Variants in ATP8A2 observed in about 807,000 individuals in gnomAD.
ATP8A2 encodes the protein ATPase phospholipid transporting 8A2, also known as phospholipid-transporting ATPase IB.
ATP8A2 carries 100 observed loss-of-function variants against 165.6 expected under a neutral mutation model. That is an observed-to-expected ratio of 0.60 (90% CI 0.51 to 0.71). ATP8A2 has a LOEUF of 0.71. Among genes scored for constraint, ATP8A2 ranks in the 30% least tolerant of loss-of-function variants. The probability of loss-of-function intolerance (pLI) is 0.00; values close to 1 mark genes in which losing one functional copy is unlikely to be tolerated. For synonymous variants in ATP8A2, 543 were observed against 548.8 expected (o/e 0.99, Z 0.15); for missense variants, 1,227 against 1,479.5 (o/e 0.83, Z 2.80).
intron 24 of ATP8A2, among the ~76,000 whole-genome samples, chr13:25,668,820 A>G (rs1429971963): frequency 6.6e-6 from 1 of 152,122 alleles, no homozygotes; most frequent in African/African-American, 2.4e-5. Flanking sequence ...CACTTCTGCT[A>G]TTGAACCCCT....
At chr13:25,405,337 G>T (rs1278455948) in intron 1 of ATP8A2, among the ~76,000 whole-genome samples, 1 of 152,190 alleles carries the variant, frequency 6.6e-6, no homozygotes, top group Non-Finnish European at 1.5e-5. Context: ...AGAGAAATGG[G>T]ATCTACCGCA....
intron 24 of ATP8A2, among the ~76,000 whole-genome samples, chr13:25,685,791 A>C (rs533207154): frequency 6.6e-6 from 1 of 152,292 alleles, no homozygotes; most frequent in South Asian, 2.1e-4. Context: ...GGAGACCAGA[A>C]GCTTTGGAGG....
chr13:25,577,073 A>T lies in ATP8A2; in HGVS notation c.1717A>T (p.Arg573Ter), dbSNP rs767817562. 1 of 1,613,478 alleles carries T rather than the reference A, an allele frequency of 6.2e-7. No homozygotes were observed. The highest frequency in any genetic ancestry group is 1.7e-5 in the Admixed American group (1 of 59,976). Residue 573 changes from arginine (R) to a stop codon, truncating the protein, a stop_gained, in exon 20 of 37, where the codon AGA (arginine) becomes TGA (stop). Transcript: ENST00000381655. LOFTEE classifies it high-confidence loss of function. Reference sequence around the variant, plus strand: ...TTTTTTTTTTCACTCTCCCAGTGACAGAAAAAGAATGTCTGTAATTGTTCG... The same window carrying T: ...TTTTTTTTTTCACTCTCCCAGTGACTGAAAAAGAATGTCTGTAATTGTTCG... ...ILNVLEFSSDRKRMSVIVRTP... is the reference protein window; with the variant it reads ...ILNVLEFSSD
At position 25,530,083 on chromosome 13, in the gene ATP8A2, C is replaced by A; in HGVS notation, c.306C>A (p.Phe102Leu). ...GAGCTGCTAATGCCTTCTTTCTCTT[C>A]ATTGCCTTATTACAGGTAATGGTTT... ...IRRAANAFFL[F>L]IALLQQIPDV... Residue 102 changes from phenylalanine to leucine, a missense_variant, in exon 3 of 37, where the codon TTC (phenylalanine) becomes TTA (leucine). Phe to Leu is a conservative substitution (Grantham distance 22, BLOSUM62 0). Around this residue, in one of 5 missense-constraint regions of ATP8A2, gnomAD observed 356 missense variants for 394.9 expected, o/e 0.90. Transcript: ENST00000381655. The A allele has an allele frequency of 6.2e-7, 1 of 1,601,304 alleles. No individual in the cohort carries two copies.
At chr13:25,488,221 C>T (rs557382597) in intron 2 of ATP8A2, among the ~76,000 whole-genome samples, 5 of 151,966 alleles carry the variant, frequency 3.3e-5, no homozygotes, top group South Asian at 2.1e-4. Flanking sequence ...TTTAAGTATA[C>T]GATTCAGTAG....
intron 25 of ATP8A2, among the ~76,000 whole-genome samples, chr13:25,765,447 T>C (rs2044471465): frequency 6.6e-6 from 1 of 152,194 alleles, no homozygotes; most frequent in Non-Finnish European, 1.5e-5. Context: ...CAACTTGGTA[T>C]ACTAAAATAC....
At chr13:25,623,858 G>A (rs1486948706) in intron 24 of ATP8A2, among the ~76,000 whole-genome samples, 2 of 151,956 alleles carry the variant, frequency 1.3e-5, no homozygotes, top group Non-Finnish European at 2.9e-5. Context: ...CATAAATTAT[G>A]CATAGATATA....
At chr13:25,701,188 G>A (rs571393062) in intron 25 of ATP8A2, among the ~76,000 whole-genome samples, 64 of 152,196 alleles carry the variant, frequency 4.2e-4, no homozygotes, top group African/African-American at 1.5e-3. Context: ...TTTTGACAAA[G>A]GCCAGTTTAT....
At chr13:25,512,677 G>A (rs1175522268) in intron 2 of ATP8A2, among the ~76,000 whole-genome samples, 2 of 147,428 alleles carry the variant, frequency 1.4e-5, no homozygotes, top group Admixed American at 6.6e-5. Flanking sequence ...GGCTGGCCGG[G>A]CGGGGGGCTG....
chr13:25,950,545 C>T (rs1000143204), intron 33 of ATP8A2, among the ~76,000 whole-genome samples: 2 of 152,172 alleles, frequency 1.3e-5, no homozygotes, highest in African/African-American at 2.4e-5. Context: ...CTTCTCACTG[C>T]CTGCCTGTTT....
At chr13:25,621,743 G>A (rs1454700662) in intron 24 of ATP8A2, among the ~76,000 whole-genome samples, 1 of 152,182 alleles carries the variant, frequency 6.6e-6, no homozygotes, top group Non-Finnish European at 1.5e-5. Flanking sequence ...ATTGGAAATT[G>A]TAGAGGAAAC....
At chr13:25,892,472 C>T (rs1244956501) in intron 33 of ATP8A2, among the ~76,000 whole-genome samples, 1 of 148,282 alleles carries the variant, frequency 6.7e-6, no homozygotes, top group Non-Finnish European at 1.5e-5. Context: ...CTCTCTCTGT[C>T]TCTCTGTCTC....
intron 24 of ATP8A2, among the ~76,000 whole-genome samples, chr13:25,650,070 C>T (rs138021549): frequency 6.6e-6 from 1 of 152,340 alleles, no homozygotes; most frequent in East Asian, 1.9e-4. Flanking sequence ...TTCGGGTTCT[C>T]TTTTCCCTCT....
At chr13:25,827,450 T>C (rs1283517330) in intron 27 of ATP8A2, among the ~76,000 whole-genome samples, 2 of 152,246 alleles carry the variant, frequency 1.3e-5, no homozygotes, top group Non-Finnish European at 2.9e-5. Flanking sequence ...ACACTAATTA[T>C]ATCCTGGCAC....
At chr13:25,427,373 A>G (rs1360180991) in intron 1 of ATP8A2, among the ~76,000 whole-genome samples, 4 of 152,064 alleles carry the variant, frequency 2.6e-5, no homozygotes, top group African/African-American at 9.7e-5. Context: ...CACTGATTCT[A>G]CATTATGGTG....
intron 1 of ATP8A2, among the ~76,000 whole-genome samples, chr13:25,398,922 T>A (rs993015322): frequency 7.0e-6 from 1 of 141,916 alleles, no homozygotes; most frequent in African/African-American, 2.6e-5. Flanking sequence ...GAAAAAAAAA[T>A]AATACAGGTG....
chr13:25,887,166 G>A (rs1273361600), intron 33 of ATP8A2, among the ~76,000 whole-genome samples: 1 of 152,038 alleles, frequency 6.6e-6, no homozygotes, highest in East Asian at 1.9e-4. Context: ...TAAGTGTCTG[G>A]GGTTTTTTCA....
At chr13:25,902,778 A>G (rs552922989) in intron 33 of ATP8A2, among the ~76,000 whole-genome samples, 38 of 152,034 alleles carry the variant, frequency 2.5e-4, no homozygotes, top group Admixed American at 5.2e-4. Flanking sequence ...AGTGACCCCA[A>G]TTCTATGTGT....
intron 27 of ATP8A2, among the ~76,000 whole-genome samples, chr13:25,817,350 TGGG>T (rs71741165): frequency 0.048 from 5,030 of 105,644 alleles, 123 homozygotes; most frequent in South Asian, 0.15. Context: ...TGGTCTTTTA[TGGG>T]GGGGGGGGGA....
Sources: gnomAD v4.1 joint callset for allele counts (sites outside exome capture counted in the v4.1 genomes callset) on GRCh38, gnomAD v4.1.1 for gene constraint, gnomAD v4.1.1 regional missense constraint, MANE v1.5 for transcripts, NCBI Gene and HGNC (gene_info 2026-07-23, HGNC 2026-07-21) for gene names.